Variants in DEPDC5 observed in about 807,000 individuals in gnomAD.
DEPDC5 encodes the protein DEP domain containing 5, GATOR1 subcomplex subunit, also known as GATOR1 complex protein DEPDC5.
DEPDC5 carries 73 observed loss-of-function variants against 217.3 expected under a neutral mutation model. The ratio of observed to expected loss-of-function variants is 0.34; its 90% CI spans 0.28 to 0.41. The LOEUF (loss-of-function observed/expected upper bound fraction) is 0.41. DEPDC5 is among the 10% of genes least tolerant of loss of function. DEPDC5 has a pLI of 1.00. For missense variants in DEPDC5, 1,675 were observed against 2,070.1 expected (o/e 0.81, Z 3.70); for synonymous variants, 733 against 756.7 (o/e 0.97, Z 0.51).
In DEPDC5 at chr22:31,878,250, C is replaced by G. The variant is rs571770428; in HGVS notation, c.3806-1275C>G. 2.4e-4 allele frequency among the ~76,000 whole-genome samples: 37 copies of G among 151,816 alleles called. No individual in the cohort carries two copies. In the East Asian group the frequency reaches 6.8e-3, roughly 28 times the overall value. ...AGTGCCACTCCCCATGCTCTCTTGT[C>G]CAAGAATATGGCAGAAGTGGACGTG... On this transcript the variant is annotated intron_variant, in intron 37 of 42. Coordinates refer to ENST00000651528, the MANE Select transcript of DEPDC5 (RefSeq NM_001242896.3).
At chr22:31,798,275 A>G (rs551999271) in intron 13 of DEPDC5, among the ~76,000 whole-genome samples, 12 of 152,202 alleles carry the variant, frequency 7.9e-5, no homozygotes, top group Non-Finnish European at 1.3e-4. Flanking sequence ...TCATGCCTGT[A>G]ATCCCAGCAC....
At chr22:31,820,917 T>A (rs2089633720) in intron 22 of DEPDC5, among the ~76,000 whole-genome samples, 3 of 152,222 alleles carry the variant, frequency 2.0e-5, no homozygotes, top group Admixed American at 2.0e-4. Flanking sequence ...GTTTTGCCTC[T>A]TTCAGGTTTG....
intron 24 of DEPDC5, among the ~76,000 whole-genome samples, chr22:31,823,455 C>T (rs919543233): frequency 1.3e-5 from 2 of 150,786 alleles, no homozygotes; most frequent in Non-Finnish European, 2.9e-5. Flanking sequence ...ATCTCATGAA[C>T]CTGGGAGGCG....
At chr22:31,816,019 G>T in intron 21 of DEPDC5, 22 of 985,710 alleles carry the variant, frequency 2.2e-5, no homozygotes, top group Non-Finnish European at 2.6e-5. Flanking sequence ...TCATTTACCG[G>T]TCGGGCGCAG....
At chr22:31,872,537 C>T (rs138986278) in intron 34 of DEPDC5, among the ~76,000 whole-genome samples, 10 of 152,194 alleles carry the variant, frequency 6.6e-5, no homozygotes, top group African/African-American at 2.2e-4. Flanking sequence ...ATTCCCCATG[C>T]TCTTAGGGTG....
At chr22:31,800,712 C>T (rs1288678831) in intron 14 of DEPDC5, among the ~76,000 whole-genome samples, 1 of 152,132 alleles carries the variant, frequency 6.6e-6, no homozygotes, top group Non-Finnish European at 1.5e-5. Flanking sequence ...TATGGTGGCT[C>T]ACACCCATAA....
rs960754637 is a variant in DEPDC5, at chr22:31,824,812, C to CA, written c.2104+2032dup. 3.4e-3 allele frequency among the ~76,000 whole-genome samples: 500 copies of CA among 146,770 alleles called. 2 individuals carry two copies. Among genetic ancestry groups the CA allele is most frequent in the African/African-American group, 0.01 (404 of 39,994 alleles). ...GAAACCTGTCTCTACCAAAAAAATA[C>CA]AAAAAAAAAATAAAATAACTGGGCG... On this transcript the variant is annotated intron_variant, in intron 24 of 42. Coordinates refer to ENST00000651528, the MANE Select transcript of DEPDC5 (RefSeq NM_001242896.3).
intron 37 of DEPDC5, among the ~76,000 whole-genome samples, chr22:31,879,294 G>A (rs1486884292): frequency 2.0e-5 from 3 of 151,638 alleles, no homozygotes; most frequent in Admixed American, 1.3e-4. Context: ...TCCCCTTGAG[G>A]AGTCACCTTC....
intron 10 of DEPDC5, among the ~76,000 whole-genome samples, chr22:31,791,519 A>G (rs2085628231): frequency 6.7e-6 from 1 of 149,882 alleles, no homozygotes; most frequent in Non-Finnish European, 1.5e-5. Flanking sequence ...AATCCTAGCT[A>G]CTCTGGAGGC....
chr22:31,854,384 TGGA>T (rs1410886940), intron 31 of DEPDC5, among the ~76,000 whole-genome samples: 2 of 152,200 alleles, frequency 1.3e-5, no homozygotes, highest in Non-Finnish European at 2.9e-5. Context: ...GGATGAGGCT[TGGA>T]GGAAAACACA....
At chr22:31,900,980 C>G (rs570010405) in intron 40 of DEPDC5, among the ~76,000 whole-genome samples, 21 of 151,786 alleles carry the variant, frequency 1.4e-4, no homozygotes, top group African/African-American at 5.1e-4. Flanking sequence ...CAGTGGCTCA[C>G]GCCTGTAATC....
Position 31,843,199 on chromosome 22 carries a change from C to T in DEPDC5, c.2620C>T (p.Arg874Ter), listed in dbSNP as rs578185749. 1.2e-6 allele frequency: 2 copies of T among 1,613,730 alleles called. No homozygotes were observed. The highest frequency in any genetic ancestry group is 8.5e-7 in the Non-Finnish European group (1 of 1,179,874). ...TLKDKMITVT[R>*]YLPKYPYESA... The stretch of plus-strand genomic sequence containing the variant: ...GAAGGATAAGATGATCACAGTGACG[C>T]GATACCTTCCCAAGTGAGTATTTGG... The change falls in exon 28 of 43, where the codon CGA becomes TGA. Residue 874 changes from arginine to a stop codon, truncating the protein, a stop_gained. Coordinates refer to ENST00000651528, the MANE Select transcript of DEPDC5 (RefSeq NM_001242896.3). LOFTEE classifies it high-confidence loss of function.
chr22:31,769,057 A>G (rs748449140), intron 7 of DEPDC5, 194 bp downstream of exon 7: 38 of 525,712 alleles, frequency 7.2e-5, no homozygotes, highest in African/African-American at 3.3e-4. Context: ...TCAGGAGATC[A>G]GGACCATACT....
intron 4 of DEPDC5, among the ~76,000 whole-genome samples, chr22:31,764,590 G>A (rs1006788231): frequency 1.3e-5 from 2 of 151,348 alleles, no homozygotes. Flanking sequence ...TAATTTTTGT[G>A]TTTTTAGTAG....
chr22:31,802,124 A>ATT lies in DEPDC5; in HGVS notation c.947-557_947-556dup, dbSNP rs761007210. The stretch of plus-strand genomic sequence containing the variant: ...TGGAAGGTTTAAATTAACAGCATGA[A>ATT]TTTTTTTTTTTTTTTTTTTTTTTTA... On this transcript the variant is annotated intron_variant, in intron 14 of 42. Transcript: ENST00000651528. Among the ~76,000 whole-genome samples the ATT allele has an allele frequency of 2.4e-3, 302 of 126,802 alleles. 2 individuals are homozygous for ATT. Among genetic ancestry groups the ATT allele is most frequent in the East Asian group, 0.018 (80 of 4,510 alleles). The allele number at this position is 126,802 out of a possible 152,430, so 83.2% of individuals were successfully genotyped here.
At position 31,893,736 on chromosome 22, in the gene DEPDC5, A is replaced by G. The variant is rs1327832732; in HGVS notation, c.4188A>G (p.Ala1396=). The part of the protein sequence containing the change: ...IKLHWMAVTA[A]VLFEMVQGWH... The stretch of plus-strand genomic sequence containing the variant: ...TGCACTGGATGGCGGTGACCGCAGC[A>G]GTACTCTTCGAGATGGTGAGAACCT... Residue 1396 remains alanine (A), a synonymous_variant, in exon 39 of 43, where the codon GCA becomes GCG. Transcript: ENST00000651528. 1 of 1,607,884 alleles carries G rather than the reference A, an allele frequency of 6.2e-7. No homozygotes were observed. The highest frequency in any genetic ancestry group is 1.3e-5 in the African/African-American group (1 of 74,616).
Position 31,768,802 on chromosome 22 carries a change from C to A in DEPDC5, c.364-12C>A. On this transcript the variant is annotated splice_polypyrimidine_tract_variant and intron_variant, in intron 6 of 42. Coordinates refer to ENST00000651528, the MANE Select transcript of DEPDC5 (RefSeq NM_001242896.3). ...CCTCCCTCTCTCTACCCCTCTCTCCCCCTCCTCTTAGGTCAGCACATGTGC... is the reference window on the plus strand; with the variant it reads ...CCTCCCTCTCTCTACCCCTCTCTCCACCTCCTCTTAGGTCAGCACATGTGC... The A allele has an allele frequency of 6.2e-7, 1 of 1,612,300 alleles. No individual in the cohort carries two copies. The highest frequency in any genetic ancestry group is 2.2e-5 in the East Asian group (1 of 44,782).
intron 7 of DEPDC5, among the ~76,000 whole-genome samples, chr22:31,777,361 A>G (rs1394679394): frequency 6.6e-6 from 1 of 151,624 alleles, no homozygotes; most frequent in African/African-American, 2.4e-5. Context: ...CCTGGGTTCA[A>G]GTGATTCTCC....
chr22:31,887,419 C>CAAAAAAAAAAAAA (rs567430576), intron 38 of DEPDC5, among the ~76,000 whole-genome samples: 4 of 65,684 alleles, frequency 6.1e-5, no homozygotes, highest in Admixed American at 5.5e-4. Flanking sequence ...AACTCTGTCT[C>CAAAAAAAAAAAAA]AAAAAAAAAA....
Sources: allele counts gnomAD v4.1 joint callset (sites outside exome capture counted in the v4.1 genomes callset), GRCh38; gene constraint gnomAD v4.1.1; transcripts MANE v1.5; gene names NCBI Gene and HGNC (gene_info 2026-07-23, HGNC 2026-07-21).